The following EYS variants were observed in gnomAD, a reference collection of about 807,000 sequenced individuals.
EYS encodes the protein EGF-like photoreceptor maintenance factor.
Under a neutral mutation model 282.1 loss-of-function variants are expected in EYS, and 250 were observed. That is an observed-to-expected ratio of 0.89 (90% confidence interval 0.80 to 0.98). EYS has a LOEUF of 0.98. EYS is among the 50% of genes least tolerant of loss of function. The pLI is 0.00. For missense variants in EYS, 4,016 were observed against 3,709.0 expected (o/e 1.08, Z -2.15); for synonymous variants, 1,355 against 1,282.9 (o/e 1.06, Z -1.20).
At chr6:65,467,444 A>G (rs1772579845) in intron 5 of EYS, among the ~76,000 whole-genome samples, 1 of 152,002 alleles carries the variant, frequency 6.6e-6, no homozygotes, top group Admixed American at 6.6e-5. Context: ...AGTTATAAAA[A>G]AAAATCAGAA....
chr6:65,273,741 A>T (rs749909640), intron 12 of EYS, among the ~76,000 whole-genome samples: 7 of 152,164 alleles, frequency 4.6e-5, no homozygotes, highest in Non-Finnish European at 5.9e-5. Context: ...GTGACATATC[A>T]CCGTATGATT....
chr6:65,482,238 C>A (rs1765634798), intron 5 of EYS, among the ~76,000 whole-genome samples: 1 of 152,082 alleles, frequency 6.6e-6, no homozygotes, highest in Non-Finnish European at 1.5e-5. Context: ...CTATTCAATG[C>A]CTTAAAAATT....
At position 63,720,708 on chromosome 6, in the gene EYS, A is replaced by T. The variant is rs956567899; in HGVS notation, c.9323T>A (p.Phe3108Tyr). ...IVTQEIFKTN[F>Y]VGKIKDVVFF... ...TACAACATCTTTAATTTTGCCAACAAAATTGGTTTTAAAAATCTCTTGAGT... is the reference window on the plus strand; with the variant it reads ...TACAACATCTTTAATTTTGCCAACATAATTGGTTTTAAAAATCTCTTGAGT... Residue 3108 changes from phenylalanine (F) to tyrosine (Y), a missense_variant, in exon 43 of 43, where the codon TTT (phenylalanine) becomes TAT (tyrosine). Phe to Tyr is a conservative substitution (Grantham distance 22, BLOSUM62 3). Coordinates refer to ENST00000503581, the MANE Select transcript of EYS (RefSeq NM_001142800.2). 4 of 1,548,756 alleles carry T rather than the reference A, an allele frequency of 2.6e-6. No homozygotes were observed. In the African/African-American group the frequency reaches 5.5e-5, roughly 21 times the overall value.
chr6:65,415,261 C>G (rs80106621), intron 5 of EYS, among the ~76,000 whole-genome samples: 5,120 of 151,994 alleles, frequency 0.034, 131 homozygotes, highest in Non-Finnish European at 0.053. Context: ...GTCCCTTAAC[C>G]AGTAGAATCA....
chr6:64,754,201 C>T (rs1772856513), intron 22 of EYS, among the ~76,000 whole-genome samples: 1 of 151,968 alleles, frequency 6.6e-6, no homozygotes, highest in Admixed American at 6.6e-5. Flanking sequence ...ATAAATGACA[C>T]TACTATAAAT....
At chr6:64,457,759 C>A (rs2150482446) in intron 26 of EYS, among the ~76,000 whole-genome samples, 1 of 149,934 alleles carries the variant, frequency 6.7e-6, no homozygotes, top group South Asian at 2.1e-4. Flanking sequence ...TGAAATGAGT[C>A]TCTTGTAGGC....
chr6:63,920,430 T>G (rs1033199032), intron 35 of EYS, among the ~76,000 whole-genome samples: 1 of 152,156 alleles, frequency 6.6e-6, no homozygotes, highest in African/African-American at 2.4e-5. Context: ...AGGTTCTGTC[T>G]CCTTTAGACA....
intron 35 of EYS, among the ~76,000 whole-genome samples, chr6:63,925,859 T>C (rs1764701739): frequency 6.6e-6 from 1 of 152,190 alleles, no homozygotes. Context: ...TTAGCCAGGA[T>C]GGTCTAGATC....
chr6:65,080,718 T>C (rs1774209174), intron 12 of EYS, among the ~76,000 whole-genome samples: 1 of 151,978 alleles, frequency 6.6e-6, no homozygotes, highest in Non-Finnish European at 1.5e-5. Flanking sequence ...TGTTTGTTAA[T>C]TTAAAAAAAA....
intron 15 of EYS, among the ~76,000 whole-genome samples, chr6:64,933,018 A>C (rs1768778397): frequency 6.6e-6 from 1 of 152,108 alleles, no homozygotes; most frequent in Admixed American, 6.6e-5. Context: ...CAAAGAAATA[A>C]AAGTATGGGC....
At chr6:64,605,844 T>C (rs987950255) in intron 24 of EYS, among the ~76,000 whole-genome samples, 8 of 151,984 alleles carry the variant, frequency 5.3e-5, no homozygotes, top group Admixed American at 1.3e-4. Context: ...TTTTGAGAAC[T>C]GGCAAGTAGA....
intron 5 of EYS, 64 bp downstream of exon 5, chr6:65,490,530 T>C: frequency 1.1e-6 from 1 of 885,092 alleles, no homozygotes; most frequent in South Asian, 1.4e-5. Flanking sequence ...CACATTTAAT[T>C]TGAAATACAT....
chr6:64,758,864 C>T (rs1406333383), intron 22 of EYS, among the ~76,000 whole-genome samples: 1 of 152,148 alleles, frequency 6.6e-6, no homozygotes, highest in African/African-American at 2.4e-5. Context: ...CTTGGCCGGG[C>T]GCAGTGGCTC....
At chr6:65,294,687 A>C (rs1224869770) in intron 12 of EYS, among the ~76,000 whole-genome samples, 1 of 151,914 alleles carries the variant, frequency 6.6e-6, no homozygotes, top group Non-Finnish European at 1.5e-5. Flanking sequence ...TCTGTTAGTA[A>C]TGGCATTATG....
intron 7 of EYS, among the ~76,000 whole-genome samples, chr6:65,394,709 T>A (rs1766206110): frequency 2.6e-5 from 4 of 152,150 alleles, no homozygotes; most frequent in African/African-American, 9.6e-5. Context: ...GGTTTCCAAG[T>A]CATCCCTCAC....
chr6:63,755,960 G>T (rs1769470063), intron 41 of EYS, among the ~76,000 whole-genome samples: 1 of 152,172 alleles, frequency 6.6e-6, no homozygotes, highest in African/African-American at 2.4e-5. Flanking sequence ...GAATGCTTGT[G>T]ATTTTTGCAC....
At chr6:64,923,284 T>C (rs958297561) in intron 15 of EYS, among the ~76,000 whole-genome samples, 22 of 152,096 alleles carry the variant, frequency 1.4e-4, no homozygotes, top group African/African-American at 5.1e-4. Flanking sequence ...GAAAAACCCC[T>C]GACAAACCCA....
At chr6:65,599,081 G>A (rs1332774211) in intron 2 of EYS, among the ~76,000 whole-genome samples, 1 of 152,012 alleles carries the variant, frequency 6.6e-6, no homozygotes, top group East Asian at 1.9e-4. Context: ...AAGTCCCGCA[G>A]TCAGCCTTGT....
intron 29 of EYS, among the ~76,000 whole-genome samples, chr6:64,354,632 T>C (rs924853790): frequency 8.6e-5 from 13 of 151,620 alleles, no homozygotes; most frequent in African/African-American, 3.1e-4. Context: ...AAAATTGCTA[T>C]TCTGAAATTT....
Sources: gnomAD v4.1 joint callset for allele counts (sites outside exome capture counted in the v4.1 genomes callset) on GRCh38, gnomAD v4.1.1 for gene constraint, MANE v1.5 for transcripts, NCBI Gene and HGNC (gene_info 2026-07-23, HGNC 2026-07-21) for gene names.